The following KIF2A variants were observed in gnomAD, a reference collection of about 807,000 sequenced individuals.
The protein encoded by KIF2A is kinesin family member 2A, also known as kinesin-like protein KIF2A.
In KIF2A, 22 loss-of-function variants were observed where a neutral mutation model predicts 100.2. That is an observed-to-expected ratio of 0.22 (90% CI 0.16 to 0.31). The LOEUF (loss-of-function observed/expected upper bound fraction) is 0.31, where lower values mean the gene tolerates loss of function less well. KIF2A is among the 10% of genes least tolerant of loss of function. The pLI is 1.00. For missense variants in KIF2A, 495 were observed against 898.7 expected (o/e 0.55, Z 5.74); for synonymous variants, 268 against 285.9 (o/e 0.94, Z 0.63).
chr5:62,346,350 T>C (rs1001544884), intron 1 of KIF2A, among the ~76,000 whole-genome samples: 2 of 152,178 alleles, frequency 1.3e-5, no homozygotes, highest in Non-Finnish European at 2.9e-5. Context: ...CTTTTTGGAA[T>C]CACATTTCTT....
Position 62,350,089 on chromosome 5 carries a change from T to C in KIF2A, c.303T>C (p.Ile101=). The C allele has an allele frequency of 6.3e-7, 1 of 1,590,020 alleles. No homozygotes were observed. The highest frequency in any genetic ancestry group is 1.2e-5 in the South Asian group (1 of 85,984). Residue 101 remains isoleucine (I), a synonymous_variant, in exon 4 of 21, where the codon ATT becomes ATC. Transcript: ENST00000407818. ...IVKNRRTVAS[I]KNDPPSRDNR... is the part of the protein sequence containing the mutation. ...AGAATCGACGGACTGTAGCTTCTAT[T>C]AAGAATGACCCTCCTTCAAGAGATA...
intron 9 of KIF2A, among the ~76,000 whole-genome samples, chr5:62,360,204 G>A (rs166009): frequency 0.23 from 35,285 of 151,110 alleles, 4,232 homozygotes; most frequent in Middle Eastern, 0.3. Flanking sequence ...TGGTCAGGCC[G>A]GTCTCGAACT....
intron 1 of KIF2A, among the ~76,000 whole-genome samples, chr5:62,331,201 T>C (rs1186252335): frequency 1.3e-5 from 2 of 151,732 alleles, no homozygotes; most frequent in African/African-American, 4.8e-5. Flanking sequence ...CACCTGAGGT[T>C]GGGAGTTCGA....
chr5:62,370,931 A>G lies in KIF2A; in HGVS notation c.1647-1507A>G, dbSNP rs577270794. Reference sequence around the variant, plus strand: ...GTGTCTAAATTAAAAGATTTAGATAAGAAATGGGGTGGGAGTGAAAATAGT... The same window carrying G: ...GTGTCTAAATTAAAAGATTTAGATAGGAAATGGGGTGGGAGTGAAAATAGT... On this transcript the variant is annotated intron_variant, in intron 16 of 20. Coordinates refer to ENST00000407818, the MANE Select transcript of KIF2A (RefSeq NM_001098511.3). 2.6e-3 allele frequency among the ~76,000 whole-genome samples: 395 copies of G among 152,298 alleles called. 1 individual carries two copies. Among genetic ancestry groups the G allele is most frequent in the African/African-American group, 9.2e-3 (382 of 41,566 alleles).
chr5:62,369,548 TG>T (rs2111975826), intron 16 of KIF2A, among the ~76,000 whole-genome samples: 1 of 152,248 alleles, frequency 6.6e-6, no homozygotes, highest in Admixed American at 6.5e-5. Flanking sequence ...GAGATTTGAG[TG>T]GGGACAGAAA....
intron 2 of KIF2A, 69 bp downstream of exon 2, chr5:62,347,293 A>G (rs1747620794): frequency 1.2e-6 from 1 of 804,404 alleles, no homozygotes; most frequent in Non-Finnish European, 2.0e-6. Context: ...ACAAAACAGA[A>G]AAGTACATAA....
intron 16 of KIF2A, among the ~76,000 whole-genome samples, chr5:62,369,927 G>A (rs191150811): frequency 3.3e-5 from 5 of 152,108 alleles, no homozygotes; most frequent in Admixed American, 2.6e-4. Flanking sequence ...TCAAAGCCTC[G>A]GGAAAGTTAC....
chr5:62,349,233 ATATTTTAAAAATAAATATT>A (rs1747725754), intron 3 of KIF2A, among the ~76,000 whole-genome samples: 2 of 151,710 alleles, frequency 1.3e-5, no homozygotes, highest in South Asian at 2.1e-4. Flanking sequence ...TTAAATCAGT[ATATTTTAAAAATAAATATT>A]TATTTTAAAA....
At chr5:62,324,121 C>T (rs547109830) in intron 1 of KIF2A, among the ~76,000 whole-genome samples, 1 of 151,956 alleles carries the variant, frequency 6.6e-6, no homozygotes, top group East Asian at 1.9e-4. Context: ...ACAGTAGCCA[C>T]CTAAAGAATA....
intron 4 of KIF2A, 65 bp from the exon 5 acceptor site, chr5:62,352,523 T>C: frequency 7.7e-7 from 1 of 1,306,944 alleles, no homozygotes. Flanking sequence ...ATCTCTTCCT[T>C]TTACTAAGGT....
At chr5:62,334,883 T>C (rs936103459) in intron 1 of KIF2A, among the ~76,000 whole-genome samples, 1 of 152,080 alleles carries the variant, frequency 6.6e-6, no homozygotes, top group Admixed American at 6.5e-5. Context: ...GCAATTGGAT[T>C]ATGGAATACT....
At chr5:62,333,018 T>G (rs1164304094) in intron 1 of KIF2A, among the ~76,000 whole-genome samples, 2 of 152,232 alleles carry the variant, frequency 1.3e-5, no homozygotes, top group African/African-American at 4.8e-5. Flanking sequence ...AGCATCATCC[T>G]ATACCTACAT....
chr5:62,336,078 A>C (rs1406311450), intron 1 of KIF2A, among the ~76,000 whole-genome samples: 2 of 152,230 alleles, frequency 1.3e-5, no homozygotes, highest in Non-Finnish European at 2.9e-5. Flanking sequence ...TTCTGTCCCA[A>C]ACACATAAGA....
intron 1 of KIF2A, among the ~76,000 whole-genome samples, chr5:62,327,664 G>A (rs950441726): frequency 3.9e-5 from 6 of 152,156 alleles, no homozygotes; most frequent in African/African-American, 1.4e-4. Flanking sequence ...TGTACCTTTT[G>A]TTCTGGCAGC....
intron 4 of KIF2A, 78 bp from the exon 5 acceptor site, chr5:62,352,510 G>C (rs928504568): frequency 7.6e-6 from 8 of 1,055,430 alleles, no homozygotes; most frequent in Middle Eastern, 4.8e-4. Flanking sequence ...GGTTTTGGGG[G>C]CTATCTCTTC....
chr5:62,320,027 G>A (rs1189315451), intron 1 of KIF2A, among the ~76,000 whole-genome samples: 2 of 151,882 alleles, frequency 1.3e-5, no homozygotes, highest in Non-Finnish European at 2.9e-5. Context: ...CATTTTTCAG[G>A]AAAATCTCTG....
intron 1 of KIF2A, among the ~76,000 whole-genome samples, chr5:62,324,643 A>G (rs1746272820): frequency 6.6e-6 from 1 of 152,234 alleles, no homozygotes; most frequent in Non-Finnish European, 1.5e-5. Context: ...GTGCTGGGGA[A>G]ACTGGGTAGC....
intron 1 of KIF2A, chr5:62,306,982 A>C (rs1308530037): frequency 1.3e-5 from 2 of 155,362 alleles, no homozygotes; most frequent in East Asian, 3.8e-4. Context: ...GGGGAGCGGG[A>C]AGACCAGCGA....
chr5:62,389,066 T>C lies in KIF2A; in HGVS notation c.*3497T>C. On this transcript the variant is annotated 3_prime_UTR_variant, in exon 21 of 21. Transcript: ENST00000407818. ...CCATGTAGCAATCTGAAAAAAGAAA[T>C]CAAAATGGAATGGTACTGAAAAGCT... 1 of 1,609,378 alleles carries C rather than the reference T, an allele frequency of 6.2e-7. No homozygotes were observed. The highest frequency in any genetic ancestry group is 8.5e-7 in the Non-Finnish European group (1 of 1,177,362).
Sources: gnomAD v4.1 joint callset for allele counts (sites outside exome capture counted in the v4.1 genomes callset) on GRCh38, gnomAD v4.1.1 for gene constraint, MANE v1.5 for transcripts, NCBI Gene and HGNC (gene_info 2026-07-23, HGNC 2026-07-21) for gene names.